The following RAP1GDS1 variants were observed in gnomAD, a reference collection of about 807,000 sequenced individuals.
RAP1GDS1 encodes the protein Rap1 GTPase-GDP dissociation stimulator 1, also known as RAP1, GTP-GDP dissociation stimulator 1.
RAP1GDS1 carries 35 observed loss-of-function variants against 71.1 expected under a neutral mutation model. The observed-to-expected ratio is 0.49, with a 90% CI of 0.38 to 0.65. The LOEUF (loss-of-function observed/expected upper bound fraction) is 0.65. Among genes scored for constraint, RAP1GDS1 ranks in the 30% least tolerant of loss-of-function variants. The pLI is 0.00. For synonymous variants in RAP1GDS1, 229 were observed against 243.1 expected (o/e 0.94, Z 0.54); for missense variants, 663 against 706.1 (o/e 0.94, Z 0.69).
intron 7 of RAP1GDS1, chr4:98,409,382 A>C (rs1403520140): frequency 6.5e-6 from 1 of 153,620 alleles, no homozygotes; most frequent in Non-Finnish European, 1.5e-5. Flanking sequence ...CATACATTCA[A>C]ATCTACAGGA....
intron 5 of RAP1GDS1, among the ~76,000 whole-genome samples, chr4:98,390,593 A>G (rs1051852123): frequency 1.3e-5 from 2 of 152,124 alleles, no homozygotes; most frequent in African/African-American, 2.4e-5. Context: ...TCTGTTGACT[A>G]TCTCCTCATA....
Position 98,420,130 on chromosome 4 carries a change from T to A in RAP1GDS1, c.1286T>A (p.Leu429Ter). The A allele has an allele frequency of 6.4e-7, 1 of 1,564,894 alleles. No homozygotes were observed. Among genetic ancestry groups the A allele is most frequent in the Non-Finnish European group, 8.7e-7 (1 of 1,155,078 alleles). ...QFKLLGTLRMLIDAQAEAAEQ... is the reference protein window; with the variant it reads ...QFKLLGTLRM Reference sequence around the variant, plus strand: ...AAACTTCTGGGAACATTAAGAATGTTAATAGATGCACAAGGTAAAAGAAAT... The same window carrying A: ...AAACTTCTGGGAACATTAAGAATGTAAATAGATGCACAAGGTAAAAGAAAT... Residue 429 changes from leucine (L) to a stop codon, truncating the protein, a stop_gained, in exon 11 of 15, where the codon TTA becomes TAA. Transcript: ENST00000408927. LOFTEE classifies it high-confidence loss of function.
intron 1 of RAP1GDS1, among the ~76,000 whole-genome samples, chr4:98,292,412 G>A (rs1245536423): frequency 6.6e-6 from 1 of 151,992 alleles, no homozygotes; most frequent in Non-Finnish European, 1.5e-5. Context: ...GGGATTACAG[G>A]CATGAGCCAC....
intron 1 of RAP1GDS1, among the ~76,000 whole-genome samples, chr4:98,285,749 A>G (rs1437505166): frequency 6.7e-6 from 1 of 149,568 alleles, no homozygotes; most frequent in Non-Finnish European, 1.5e-5. Context: ...TGTAGTACAT[A>G]TTATGATTTC....
intron 6 of RAP1GDS1, among the ~76,000 whole-genome samples, chr4:98,393,696 A>G (rs1029946802): frequency 3.3e-5 from 5 of 152,184 alleles, no homozygotes; most frequent in African/African-American, 9.6e-5. Context: ...GCTACCAGCC[A>G]TGTGGCTTAA....
At chr4:98,293,945 A>G (rs1224851823) in intron 2 of RAP1GDS1, among the ~76,000 whole-genome samples, 2 of 152,108 alleles carry the variant, frequency 1.3e-5, no homozygotes, top group Non-Finnish European at 2.9e-5. Context: ...GAATCTTATC[A>G]TATTTTAAAA....
intron 2 of RAP1GDS1, among the ~76,000 whole-genome samples, chr4:98,326,108 CT>C (rs553819662): frequency 2.6e-5 from 4 of 151,714 alleles, no homozygotes; most frequent in African/African-American, 9.7e-5. Context: ...TTGCATATTA[CT>C]TTTTTTTAAA....
At chr4:98,388,491 C>T (rs564709417) in intron 5 of RAP1GDS1, among the ~76,000 whole-genome samples, 74 of 152,210 alleles carry the variant, frequency 4.9e-4, no homozygotes, top group Admixed American at 2.0e-3. Context: ...TTTGGGAGGC[C>T]GAGGCGGATG....
intron 4 of RAP1GDS1, among the ~76,000 whole-genome samples, chr4:98,364,511 T>C (rs1401620121): frequency 6.6e-6 from 1 of 152,158 alleles, no homozygotes; most frequent in African/African-American, 2.4e-5. Context: ...TGTCATTAAA[T>C]ACATTTATGC....
At chr4:98,392,698 C>T (rs775215553) in intron 6 of RAP1GDS1, among the ~76,000 whole-genome samples, 1 of 151,534 alleles carries the variant, frequency 6.6e-6, no homozygotes, top group Non-Finnish European at 1.5e-5. Flanking sequence ...CAGACCCTGT[C>T]TCAAGAAAAA....
intron 2 of RAP1GDS1, among the ~76,000 whole-genome samples, chr4:98,330,079 C>T (rs571899573): frequency 6.6e-6 from 1 of 152,202 alleles, no homozygotes; most frequent in Non-Finnish European, 1.5e-5. Flanking sequence ...CTGCACTGCC[C>T]TTAATCCATT....
intron 14 of RAP1GDS1, among the ~76,000 whole-genome samples, chr4:98,439,384 G>C (rs76661044): frequency 0.012 from 1,817 of 152,298 alleles, 11 homozygotes; most frequent in South Asian, 0.023. Context: ...ACTATGATGT[G>C]TCTTGGCATG....
chr4:98,358,000 A>T (rs958916316), intron 4 of RAP1GDS1, among the ~76,000 whole-genome samples: 3 of 152,080 alleles, frequency 2.0e-5, no homozygotes, highest in Non-Finnish European at 4.4e-5. Context: ...AAAGAGAGGC[A>T]AAGATAAATC....
At chr4:98,284,387 A>G (rs1725666974) in intron 1 of RAP1GDS1, among the ~76,000 whole-genome samples, 1 of 152,122 alleles carries the variant, frequency 6.6e-6, no homozygotes, top group African/African-American at 2.4e-5. Flanking sequence ...GTAATTTTAA[A>G]TTTCCATTTC....
chr4:98,414,936 CT>C (rs1475840620), intron 7 of RAP1GDS1, among the ~76,000 whole-genome samples: 1 of 151,598 alleles, frequency 6.6e-6, no homozygotes, highest in African/African-American at 2.4e-5. Flanking sequence ...CTTCACATCC[CT>C]TGTAAGTTGG....
chr4:98,373,457 G>A (rs1054145885), intron 4 of RAP1GDS1, among the ~76,000 whole-genome samples: 4 of 150,638 alleles, frequency 2.7e-5, no homozygotes, highest in African/African-American at 9.8e-5. Flanking sequence ...GATAGGTCTA[G>A]GTATGTTTAA....
chr4:98,442,692 T>C lies in RAP1GDS1; in HGVS notation c.*575T>C. 4.4e-6 allele frequency: 1 copy of C among 227,364 alleles called. No individual in the cohort carries two copies. Among genetic ancestry groups the C allele is most frequent in the Non-Finnish European group, 8.8e-6 (1 of 114,072 alleles). 14.1% of individuals were successfully genotyped at this position (227,364 alleles called of 1,614,324 possible). ...CTTCTGGTTTCTCCTTTTTCCTTTT[T>C]AGACTATTGAAACTGCCACAAACTT... On this transcript the variant is annotated 3_prime_UTR_variant, in exon 15 of 15. Transcript: ENST00000408927.
Position 98,439,724 on chromosome 4 carries a change from T to C in RAP1GDS1, c.1697-2266T>C, listed in dbSNP as rs1225147115. Among the ~76,000 whole-genome samples, 7 of 152,246 alleles carry C rather than the reference T, an allele frequency of 4.6e-5. No homozygotes were observed. In the East Asian group the frequency reaches 1.3e-3, roughly 29 times the overall value. On this transcript the variant is annotated intron_variant, in intron 14 of 14. Coordinates refer to ENST00000408927, the MANE Select transcript of RAP1GDS1 (RefSeq NM_001100427.2). ...GTTGAACCTGTTTTTATTTCAGTTA[T>C]ATATTTTAGTTAAAAATTTCCATTT...
chr4:98,419,463 A>G (rs1748491421), intron 10 of RAP1GDS1, among the ~76,000 whole-genome samples: 1 of 152,220 alleles, frequency 6.6e-6, no homozygotes, highest in Non-Finnish European at 1.5e-5. Context: ...TTTTTAAAAT[A>G]GCCTTAATGT....
Sources: allele counts gnomAD v4.1 joint callset (sites outside exome capture counted in the v4.1 genomes callset), GRCh38; gene constraint gnomAD v4.1.1; transcripts MANE v1.5; gene names NCBI Gene and HGNC (gene_info 2026-07-23, HGNC 2026-07-21).